Variants in MNAT1 observed in about 807,000 individuals in gnomAD.
The protein encoded by MNAT1 is MNAT1 component of CDK activating kinase, also known as CDK-activating kinase assembly factor MAT1.
Under a neutral mutation model 42.0 loss-of-function variants are expected in MNAT1, and 43 were observed. That is an observed-to-expected ratio of 1.02 (90% confidence interval 0.80 to 1.32). The LOEUF (loss-of-function observed/expected upper bound fraction) is 1.32. Ranked by LOEUF, MNAT1 falls within the 40% of genes most tolerant of loss-of-function variation. The pLI, the probability that MNAT1 is intolerant of heterozygous loss-of-function variation, is 0.00. For missense variants in MNAT1, 306 were observed against 350.4 expected, an observed-to-expected ratio of 0.87 and a Z score of 1.01; for synonymous variants, 118 against 120.0, an observed-to-expected ratio of 0.98 and a Z score of 0.11.
chr14:60,943,818 A>T (rs1324609806), intron 7 of MNAT1, among the ~76,000 whole-genome samples: 1 of 152,186 alleles, frequency 6.6e-6, no homozygotes, highest in African/African-American at 2.4e-5. Context: ...AGCATGTTTT[A>T]AAACAAGGTT....
intron 7 of MNAT1, among the ~76,000 whole-genome samples, chr14:60,919,057 C>T (rs757031665): frequency 1.3e-5 from 2 of 151,962 alleles, no homozygotes; most frequent in African/African-American, 2.4e-5. Flanking sequence ...ATGCTACACA[C>T]CGAGAGAGAC....
intron 7 of MNAT1, among the ~76,000 whole-genome samples, chr14:60,927,772 G>T (rs1030299198): frequency 6.6e-6 from 1 of 152,108 alleles, no homozygotes. Flanking sequence ...GGAAGGTCAG[G>T]ACTGGATGTA....
chr14:60,735,096 A>G (rs1896266845), intron 1 of MNAT1, 145 bp downstream of exon 1: 1 of 792,544 alleles, frequency 1.3e-6, no homozygotes. Context: ...AGGCGTTGTG[A>G]CTTTAAATAG....
intron 7 of MNAT1, among the ~76,000 whole-genome samples, chr14:60,940,840 A>T (rs1049087336): frequency 1.3e-5 from 2 of 152,190 alleles, no homozygotes; most frequent in African/African-American, 4.8e-5. Flanking sequence ...AAATCTCTTC[A>T]ACATTACAGA....
chr14:60,915,928 C>A (rs2035502999), intron 7 of MNAT1, among the ~76,000 whole-genome samples: 1 of 152,152 alleles, frequency 6.6e-6, no homozygotes, highest in Non-Finnish European at 1.5e-5. Context: ...TCATCGGTTC[C>A]CAGCTCTGCA....
chr14:60,796,397 T>G, intron 2 of MNAT1, 28 bp downstream of exon 2: 1 of 1,593,994 alleles, frequency 6.3e-7, no homozygotes, highest in Non-Finnish European at 8.6e-7. Context: ...AATGATTCAG[T>G]CAACAAAGAG....
At chr14:60,822,602 A>AT (rs138596729) in intron 6 of MNAT1, among the ~76,000 whole-genome samples, 40,896 of 135,962 alleles carry the variant, frequency 0.3, 6,491 homozygotes, top group East Asian at 0.46. Flanking sequence ...GTTTTTAAGA[A>AT]TTTTTTTTTT....
rs2035271422 is a variant in MNAT1, at chr14:60,908,629, A to G, written c.809+28794A>G. Among the ~76,000 whole-genome samples, 2 of 152,164 alleles carry G rather than the reference A, an allele frequency of 1.3e-5. 1 individual carries two copies. The highest frequency in any genetic ancestry group is 1.3e-4 in the Admixed American group (2 of 15,274). Reference sequence around the variant, plus strand: ...AGAATGATGGTTTCCAGCTTCATCCATGTCCCTATAAAGGACACGAACTCA... The same window carrying G: ...AGAATGATGGTTTCCAGCTTCATCCGTGTCCCTATAAAGGACACGAACTCA... On this transcript the variant is annotated intron_variant, in intron 7 of 7. Coordinates refer to ENST00000261245, the MANE Select transcript of MNAT1 (RefSeq NM_002431.4).
At chr14:60,911,972 C>T (rs2035379444) in intron 7 of MNAT1, among the ~76,000 whole-genome samples, 1 of 152,050 alleles carries the variant, frequency 6.6e-6, no homozygotes, top group African/African-American at 2.4e-5. Flanking sequence ...CTTTCTAGGT[C>T]TCTAAGGACT....
chr14:60,867,231 T>C (rs2034222857), intron 6 of MNAT1, among the ~76,000 whole-genome samples: 1 of 152,128 alleles, frequency 6.6e-6, no homozygotes, highest in Non-Finnish European at 1.5e-5. Flanking sequence ...TGAGTAGAAC[T>C]GAACGTTGCT....
chr14:60,842,132 A>G (rs2033568696), intron 6 of MNAT1, among the ~76,000 whole-genome samples: 1 of 152,190 alleles, frequency 6.6e-6, no homozygotes, highest in Non-Finnish European at 1.5e-5. Context: ...TTTTATTGTA[A>G]CATAGCCATT....
intron 7 of MNAT1, among the ~76,000 whole-genome samples, chr14:60,926,554 A>G (rs749484798): frequency 9.2e-5 from 14 of 152,180 alleles, no homozygotes; most frequent in African/African-American, 1.4e-4. Flanking sequence ...TGTTTATCCA[A>G]CTATTATAAG....
intron 1 of MNAT1, among the ~76,000 whole-genome samples, chr14:60,736,874 TTTA>T (rs1317983438): frequency 6.6e-6 from 1 of 152,136 alleles, no homozygotes; most frequent in African/African-American, 2.4e-5. Context: ...TATTGGCTAT[TTTA>T]TTATTATTAT....
intron 6 of MNAT1, among the ~76,000 whole-genome samples, chr14:60,861,073 A>G (rs1216361761): frequency 1.3e-5 from 2 of 152,154 alleles, no homozygotes; most frequent in East Asian, 3.8e-4. Context: ...TATTTAATGA[A>G]TCTTTTATAG....
intron 6 of MNAT1, among the ~76,000 whole-genome samples, chr14:60,840,606 T>C (rs1413540452): frequency 6.6e-6 from 1 of 152,204 alleles, no homozygotes; most frequent in African/African-American, 2.4e-5. Flanking sequence ...ATAGTTGTTA[T>C]TGAGTTCTAG....
intron 1 of MNAT1, among the ~76,000 whole-genome samples, chr14:60,781,564 G>C (rs1481808908): frequency 6.6e-6 from 1 of 152,074 alleles, no homozygotes. Flanking sequence ...CCCCCACAAA[G>C]TGCTGGGACT....
At chr14:60,930,531 T>C (rs1213482415) in intron 7 of MNAT1, among the ~76,000 whole-genome samples, 1 of 152,162 alleles carries the variant, frequency 6.6e-6, no homozygotes, top group Non-Finnish European at 1.5e-5. Context: ...TTAGCCATAA[T>C]TCCTCTTTCA....
At chr14:60,944,607 T>G (rs2036237509) in intron 7 of MNAT1, among the ~76,000 whole-genome samples, 1 of 152,226 alleles carries the variant, frequency 6.6e-6, no homozygotes, top group Non-Finnish European at 1.5e-5. Flanking sequence ...ATCAAACATT[T>G]AATGTTAAAT....
chr14:60,755,033 T>C (rs940698812), intron 1 of MNAT1, among the ~76,000 whole-genome samples: 2 of 152,202 alleles, frequency 1.3e-5, no homozygotes, highest in Admixed American at 1.3e-4. Context: ...AAAATCTCAC[T>C]CTGTTGCCTG....
Sources: allele counts gnomAD v4.1 joint callset (sites outside exome capture counted in the v4.1 genomes callset), GRCh38; gene constraint gnomAD v4.1.1; transcripts MANE v1.5; gene names NCBI Gene and HGNC (gene_info 2026-07-23, HGNC 2026-07-21).